DDX31: variants seen among roughly 807,000 people sequenced by gnomAD.
DDX31 encodes the protein DEAD-box helicase 31.
In DDX31, 70 loss-of-function variants were observed where a neutral mutation model predicts 91.3. The ratio of observed to expected loss-of-function variants is 0.77; its 90% CI spans 0.63 to 0.94. DDX31 has a LOEUF of 0.94. Ranked by LOEUF, DDX31 falls within the 40% of genes least tolerant of loss-of-function variation. DDX31 has a pLI of 0.00. For missense variants in DDX31, 902 were observed against 925.0 expected (o/e 0.98, Z 0.32); for synonymous variants, 362 against 350.6 (o/e 1.03, Z -0.36).
chr9:132,616,705 T>G (rs1465966429), intron 18 of DDX31, among the ~76,000 whole-genome samples: 4 of 151,654 alleles, frequency 2.6e-5, no homozygotes, highest in African/African-American at 9.7e-5. Context: ...GCAATACTCC[T>G]CTAGAGGTAG....
At chr9:132,640,218 G>C (rs1036887244) in intron 14 of DDX31, among the ~76,000 whole-genome samples, 2 of 152,120 alleles carry the variant, frequency 1.3e-5, no homozygotes, top group Non-Finnish European at 2.9e-5. Context: ...GGGGAAGAAT[G>C]GGGGGGCTTC....
intron 14 of DDX31, among the ~76,000 whole-genome samples, 180 bp from the exon 15 acceptor site, chr9:132,632,271 C>CACACACACACACACACACACACAG (rs1832827160): frequency 1.4e-5 from 2 of 145,012 alleles, no homozygotes; most frequent in African/African-American, 2.6e-5. Context: ...CACACACACA[C>CACACACACACACACACACACACAG]ACACACACAC....
At chr9:132,631,949 G>C (rs1832753007) in intron 15 of DDX31, 92 bp downstream of exon 15, 1 of 1,161,892 alleles carries the variant, frequency 8.6e-7, no homozygotes, top group African/African-American at 1.6e-5. Flanking sequence ...CACCCAAGAG[G>C]ATAATAATAA....
chr9:132,638,293 T>C lies in DDX31; in HGVS notation c.1440+3711A>G, dbSNP rs1833251730. ...TTTCCGGCCATTCGGTGGTACTTCT[T>C]ATCAACTCGTCAACATAATGATGGT... On this transcript the variant is annotated intron_variant, in intron 14 of 19. Coordinates refer to ENST00000372159, the MANE Select transcript of DDX31 (RefSeq NM_022779.9). 6 of 1,612,038 alleles carry C rather than the reference T, an allele frequency of 3.7e-6. No homozygotes were observed. The East Asian group carries it at 1.1e-4, about 30-fold the overall frequency.
intron 17 of DDX31, among the ~76,000 whole-genome samples, chr9:132,624,161 C>T (rs868039343): frequency 1.6e-4 from 17 of 105,810 alleles, no homozygotes; most frequent in South Asian, 6.6e-4. Context: ...AGCGAGACTC[C>T]GTCTCAAAAA....
At chr9:132,596,625 G>A (rs913943391) in intron 19 of DDX31, among the ~76,000 whole-genome samples, 1 of 152,196 alleles carries the variant, frequency 6.6e-6, no homozygotes. Context: ...TACAGACAAG[G>A]ACACAAAGAC....
At position 132,618,889 on chromosome 9, in the gene DDX31, A is replaced by G. The variant is rs1462929023; in HGVS notation, c.1714-448T>C. ...ATGAGCACTCCACAGTGACCTGCCT[A>G]ACATTCTGCTTTTAAAAGTTACCCC... On this transcript the variant is annotated intron_variant, in intron 17 of 19. Transcript: ENST00000372159. Among the ~76,000 whole-genome samples the G allele has an allele frequency of 2.6e-5, 4 of 152,202 alleles. No individual in the cohort carries two copies. In the South Asian group the frequency reaches 6.2e-4, roughly 24 times the overall value.
intron 14 of DDX31, among the ~76,000 whole-genome samples, chr9:132,634,037 A>G (rs1198131313): frequency 6.6e-6 from 1 of 152,106 alleles, no homozygotes; most frequent in African/African-American, 2.4e-5. Context: ...TTCAACAAAA[A>G]AGTTAAATAA....
intron 17 of DDX31, among the ~76,000 whole-genome samples, chr9:132,622,731 C>CA (rs1438292640): frequency 6.6e-6 from 1 of 152,110 alleles, no homozygotes; most frequent in African/African-American, 2.4e-5. Flanking sequence ...TATGATACAG[C>CA]AAAAAAGGGC....
chr9:132,640,412 G>C (rs982013602), intron 14 of DDX31, among the ~76,000 whole-genome samples: 1 of 152,168 alleles, frequency 6.6e-6, no homozygotes, highest in Non-Finnish European at 1.5e-5. Flanking sequence ...GGGAGCAAGG[G>C]GGAGTAGGGT....
At chr9:132,659,129 T>A (rs573338805) in intron 5 of DDX31, among the ~76,000 whole-genome samples, 1 of 152,296 alleles carries the variant, frequency 6.6e-6, no homozygotes, top group Non-Finnish European at 1.5e-5. Context: ...GCTGATGTGA[T>A]TGGGAGCCAG....
intron 9 of DDX31, among the ~76,000 whole-genome samples, chr9:132,649,380 TGGCAAGAA>T (rs1455350214): frequency 6.6e-6 from 1 of 152,196 alleles, no homozygotes; most frequent in Non-Finnish European, 1.5e-5. Context: ...CTGTACCCGC[TGGCAAGAA>T]ATTAGATGCA....
chr9:132,657,982 T>C (rs1315775857), intron 6 of DDX31: 1 of 288,204 alleles, frequency 3.5e-6, no homozygotes, highest in Non-Finnish European at 6.4e-6. Flanking sequence ...CTGTTTTAAA[T>C]ATGAAGTTCA....
chr9:132,655,803 G>A (rs1392802399), intron 6 of DDX31, among the ~76,000 whole-genome samples: 1 of 152,174 alleles, frequency 6.6e-6, no homozygotes, highest in South Asian at 2.1e-4. Context: ...TAAGCACAGA[G>A]TTAACAGCAA....
intron 16 of DDX31, among the ~76,000 whole-genome samples, chr9:132,628,397 A>T (rs1291344904): frequency 6.6e-6 from 1 of 152,194 alleles, no homozygotes; most frequent in East Asian, 1.9e-4. Context: ...TTAAAAAGGG[A>T]GTCACGTAAA....
At position 132,593,982 on chromosome 9, in the gene DDX31, C is replaced by A. The variant is rs1830314647; in HGVS notation, c.*884G>T. The A allele has an allele frequency of 7.0e-6, 1 of 141,990 alleles. No homozygotes were observed. Among genetic ancestry groups the A allele is most frequent in the Non-Finnish European group, 1.5e-5 (1 of 66,962 alleles). 8.8% of individuals were successfully genotyped at this position (141,990 alleles called of 1,614,324 possible). A position where few individuals can be genotyped will look rare whatever the true frequency, so the allele number is the denominator to read the frequency against. On this transcript the variant is annotated 3_prime_UTR_variant, in exon 20 of 20. Transcript: ENST00000372159. ...TGGGAAATCAATATGCTCCAGGGGG[C>A]CTCTTTCAAACCTCCCAGAAAACAC...
intron 19 of DDX31, among the ~76,000 whole-genome samples, chr9:132,609,871 C>T (rs1348367633): frequency 3.9e-5 from 6 of 152,158 alleles, no homozygotes; most frequent in Non-Finnish European, 8.8e-5. Flanking sequence ...CCACCCGCCT[C>T]GGCCTCCCAA....
At chr9:132,606,067 T>A (rs1831000317) in intron 19 of DDX31, among the ~76,000 whole-genome samples, 1 of 152,130 alleles carries the variant, frequency 6.6e-6, no homozygotes, top group Non-Finnish European at 1.5e-5. Context: ...ATCAACAGTG[T>A]TGGATGCGGC....
At chr9:132,653,494 CAAAA>C (rs71376648) in intron 6 of DDX31, among the ~76,000 whole-genome samples, 3 of 20,654 alleles carry the variant, frequency 1.5e-4, no homozygotes, top group East Asian at 1.7e-3. Flanking sequence ...AACTCAGTCT[CAAAA>C]AAAAAAAAAA....
Sources: gnomAD v4.1 joint callset for allele counts (sites outside exome capture counted in the v4.1 genomes callset) on GRCh38, gnomAD v4.1.1 for gene constraint, MANE v1.5 for transcripts, NCBI Gene and HGNC (gene_info 2026-07-23, HGNC 2026-07-21) for gene names.